Variants in PAQR5 observed in about 807,000 individuals in gnomAD.
The protein encoded by PAQR5 is membrane progestin receptor gamma.
Under a neutral mutation model 34.5 loss-of-function variants are expected in PAQR5, and 20 were observed. The ratio of observed to expected loss-of-function variants is 0.58; its 90% CI spans 0.41 to 0.84. PAQR5 has a LOEUF of 0.84. PAQR5 is among the 40% of genes least tolerant of loss of function. The pLI is 0.00. For synonymous variants in PAQR5, 131 were observed against 155.6 expected (o/e 0.84, Z 1.18); for missense variants, 378 against 412.7 (o/e 0.92, Z 0.73).
At chr15:69,330,341 T>C (rs1441383113) in intron 1 of PAQR5, among the ~76,000 whole-genome samples, 1 of 152,238 alleles carries the variant, frequency 6.6e-6, no homozygotes, top group Non-Finnish European at 1.5e-5. Flanking sequence ...TTGTAGTTTA[T>C]GGTTTAAACA....
rs554189384 is a variant in PAQR5 at position 69,403,977 on chromosome 15, G to A, written c.*155G>A. 9.0e-6 allele frequency: 7 copies of A among 779,730 alleles called. No homozygotes were observed. The African/African-American group carries it at 1.1e-4, about 12-fold the overall frequency. 48.3% of individuals were successfully genotyped at this position (779,730 alleles called of 1,614,324 possible). ...TCATGTCAAAAATGTTATTCAGCTG[G>A]GGAAATTTCTCTAAATGTACACTGA... On this transcript the variant is annotated 3_prime_UTR_variant, in exon 9 of 9. Coordinates refer to ENST00000395407, the MANE Select transcript of PAQR5 (RefSeq NM_017705.4).
chr15:69,310,550 A>C (rs1338770981), intron 1 of PAQR5, among the ~76,000 whole-genome samples: 2 of 152,214 alleles, frequency 1.3e-5, no homozygotes, highest in Admixed American at 6.5e-5. Context: ...TGAACTGTCT[A>C]TTCATATGTT....
chr15:69,329,463 CTTTTTTTTTT>C (rs1038357937), intron 1 of PAQR5, among the ~76,000 whole-genome samples: 2 of 73,760 alleles, frequency 2.7e-5, no homozygotes, highest in Admixed American at 2.0e-4. Context: ...TTTTTTCTTT[CTTTTTTTTTT>C]TTTTTTTTTT....
At chr15:69,393,566 G>T (rs2140971582) in intron 6 of PAQR5, among the ~76,000 whole-genome samples, 1 of 152,214 alleles carries the variant, frequency 6.6e-6, no homozygotes, top group East Asian at 1.9e-4. Flanking sequence ...TCTTCTCCAA[G>T]CTTCCTTTCC....
intron 3 of PAQR5, among the ~76,000 whole-genome samples, chr15:69,366,547 T>A (rs1025581754): frequency 2.6e-5 from 4 of 152,186 alleles, no homozygotes; most frequent in Non-Finnish European, 4.4e-5. Context: ...TTTAACTTAA[T>A]TGATCTTGGT....
chr15:69,338,971 C>G (rs1262916350), intron 2 of PAQR5, among the ~76,000 whole-genome samples: 2 of 152,200 alleles, frequency 1.3e-5, no homozygotes, highest in African/African-American at 4.8e-5. Flanking sequence ...TCTGACCCTC[C>G]CTAGACTGCT....
chr15:69,327,661 T>G (rs1449913210), intron 1 of PAQR5, among the ~76,000 whole-genome samples: 3 of 152,056 alleles, frequency 2.0e-5, no homozygotes, highest in African/African-American at 7.3e-5. Flanking sequence ...ACAGAGAAAG[T>G]GAGAGCATGT....
chr15:69,373,460 A>G (rs2055617851), intron 3 of PAQR5, among the ~76,000 whole-genome samples: 1 of 152,188 alleles, frequency 6.6e-6, no homozygotes, highest in Non-Finnish European at 1.5e-5. Flanking sequence ...TAAATCAAAG[A>G]CTGCATTTTT....
intron 1 of PAQR5, among the ~76,000 whole-genome samples, chr15:69,320,416 G>A (rs865793858): frequency 6.7e-6 from 1 of 149,110 alleles, no homozygotes; most frequent in Non-Finnish European, 1.5e-5. Context: ...TTAACTTTCT[G>A]GGTGGTTTGG....
At chr15:69,397,273 A>T in intron 6 of PAQR5, 195 bp from the exon 7 acceptor site, 1 of 696,328 alleles carries the variant, frequency 1.4e-6, no homozygotes, top group South Asian at 1.5e-5. Flanking sequence ...ATCTTTTTGC[A>T]TCTGAAGTTT....
chr15:69,345,911 T>A (rs975772393), intron 2 of PAQR5, among the ~76,000 whole-genome samples: 1 of 152,194 alleles, frequency 6.6e-6, no homozygotes, highest in African/African-American at 2.4e-5. Context: ...GCCACTGCAC[T>A]GAAGCCTGGG....
chr15:69,318,907 G>T (rs1312283681), intron 1 of PAQR5, among the ~76,000 whole-genome samples: 1 of 151,724 alleles, frequency 6.6e-6, no homozygotes, highest in Non-Finnish European at 1.5e-5. Context: ...GAGGCAGGTG[G>T]ATCACCACCT....
intron 1 of PAQR5, among the ~76,000 whole-genome samples, chr15:69,311,052 A>T (rs1210049838): frequency 2.0e-5 from 3 of 150,326 alleles, no homozygotes; most frequent in African/African-American, 7.3e-5. Context: ...AAATAAAAAA[A>T]AAAAAAAAAA....
intron 6 of PAQR5, among the ~76,000 whole-genome samples, chr15:69,390,334 T>C (rs1212549264): frequency 9.9e-6 from 1 of 100,620 alleles, no homozygotes. Flanking sequence ...ATTTATTTAT[T>C]TATTTATTTA....
At chr15:69,299,266 C>G (rs1464037296) in intron 1 of PAQR5, among the ~76,000 whole-genome samples, 1 of 152,124 alleles carries the variant, frequency 6.6e-6, no homozygotes, top group Non-Finnish European at 1.5e-5. Context: ...CACGCGGGGC[C>G]GGTGTGAAGG....
At chr15:69,323,774 C>T (rs2054183331) in intron 1 of PAQR5, among the ~76,000 whole-genome samples, 1 of 151,170 alleles carries the variant, frequency 6.6e-6, no homozygotes, top group Non-Finnish European at 1.5e-5. Context: ...GAGAGAGCCA[C>T]AATGAACAGC....
intron 1 of PAQR5, among the ~76,000 whole-genome samples, chr15:69,330,149 G>A (rs1022620633): frequency 6.6e-6 from 1 of 152,156 alleles, no homozygotes; most frequent in African/African-American, 2.4e-5. Flanking sequence ...CATTCTCCAA[G>A]CTTAGGCAGT....
At chr15:69,371,543 GT>G (rs1430026945) in intron 3 of PAQR5, among the ~76,000 whole-genome samples, 1 of 152,050 alleles carries the variant, frequency 6.6e-6, no homozygotes, top group African/African-American at 2.4e-5. Context: ...AAACAGTAGG[GT>G]TTTACTTAGT....
intron 2 of PAQR5, among the ~76,000 whole-genome samples, chr15:69,354,613 T>G (rs2055007061): frequency 6.6e-6 from 1 of 152,136 alleles, no homozygotes; most frequent in African/African-American, 2.4e-5. Flanking sequence ...TAAATATGAT[T>G]TAGGAGATGC....
Sources: gnomAD v4.1 joint callset for allele counts (sites outside exome capture counted in the v4.1 genomes callset) on GRCh38, gnomAD v4.1.1 for gene constraint, MANE v1.5 for transcripts, NCBI Gene and HGNC (gene_info 2026-07-23, HGNC 2026-07-21) for gene names.